NOP56: variants seen among roughly 807,000 people sequenced by gnomAD.
The protein encoded by NOP56 is nucleolar protein 56.
Under a neutral mutation model 58.3 loss-of-function variants are expected in NOP56, and 31 were observed. That is an observed-to-expected ratio of 0.53 (90% CI 0.40 to 0.72). The LOEUF is 0.72. Ranked by LOEUF, NOP56 falls within the 30% of genes least tolerant of loss-of-function variation. NOP56 has a pLI of 0.00. For synonymous variants in NOP56, 313 were observed against 282.8 expected, an observed-to-expected ratio of 1.11 and a Z score of -1.07; for missense variants, 669 against 739.9, an observed-to-expected ratio of 0.90 and a Z score of 1.11.
In NOP56 at chr20:2,654,543, A is replaced by G. The variant is rs1177465865; in HGVS notation, c.338A>G (p.Gln113Arg). 6.2e-7 allele frequency: 1 copy of G among 1,614,118 alleles called. No individual in the cohort carries two copies. The highest frequency in any genetic ancestry group is 1.3e-5 in the African/African-American group (1 of 74,940). The change falls in exon 4 of 12, where the codon CAG becomes CGG. Residue 113 changes from glutamine to arginine, a missense_variant. Gln to Arg is a conservative substitution (Grantham distance 43). Transcript: ENST00000329276. ...AIQEELGYNC[Q>R]TGGVIAEILR... ...CAGGAGGAGTTAGGGTACAACTGCC[A>G]GACTGGAGGAGTCATAGCTGAGATC... is the stretch of plus-strand genomic sequence containing the variant.
rs1049123412 is a variant in NOP56, at chr20:2,652,632, A to C, written c.-29A>C. ...CCGCGCGCCGGAGCGCGCTAGCCGC[A>C]TTGCGAGCCGAACCCGGGAGCTGGC... On this transcript the variant is annotated 5_prime_UTR_variant, in exon 1 of 12. Coordinates refer to ENST00000329276, the MANE Select transcript of NOP56 (RefSeq NM_006392.4). The C allele has an allele frequency of 4.3e-6, 6 of 1,401,986 alleles. No homozygotes were observed. In the Admixed American group the frequency reaches 1.4e-4, roughly 33 times the overall value. The allele number at this position is 1,401,986 out of a possible 1,614,324, so 86.8% of individuals were successfully genotyped here.
chr20:2,655,150 C>T (rs6037245), intron 5 of NOP56, 175 bp from the exon 6 acceptor site: 1 of 1,044,324 alleles, frequency 9.6e-7, no homozygotes, highest in East Asian at 2.4e-5. Context: ...CCATATACAC[C>T]TCAGCTCAGG....
chr20:2,658,027 C>G lies in NOP56; in HGVS notation c.1518C>G (p.Pro506=). The G allele has an allele frequency of 1.2e-6, 2 of 1,613,296 alleles. No homozygotes were observed. Among genetic ancestry groups the G allele is most frequent in the Non-Finnish European group, 1.7e-6 (2 of 1,179,358 alleles). The change falls in exon 12 of 12, where the codon CCC becomes CCG. Residue 506 remains proline (P), a synonymous_variant. Coordinates refer to ENST00000329276, the MANE Select transcript of NOP56 (RefSeq NM_006392.4). ...MEDPSISFSK[P]KKKKSFSKEE... ...ACCCATCTATCTCTTTCTCCAAACC[C>G]AAGAAAAAGAAATCTTTTTCCAAGG... is the stretch of plus-strand genomic sequence containing the variant.
At position 2,654,490 on chromosome 20, in the gene NOP56, T is replaced by C. The variant is rs1192480395; in HGVS notation, c.285T>C (p.Val95=). The change falls in exon 4 of 12, where the codon GTT becomes GTC. Residue 95 remains valine (V), a synonymous_variant. Coordinates refer to ENST00000329276, the MANE Select transcript of NOP56 (RefSeq NM_006392.4). ...AAAAGAAGAAAGTACTCTTGGGAGT[T>C]GGGGATCCCAAGATTGGTGCCGCAA... ...PSKKKKVLLG[V]GDPKIGAAIQ... is the part of the protein sequence containing the mutation. The C allele has an allele frequency of 1.9e-6, 3 of 1,614,006 alleles. No homozygotes were observed. In the Admixed American group the frequency reaches 5.0e-5, roughly 27 times the overall value.
intron 9 of NOP56, 83 bp downstream of exon 9, chr20:2,656,632 A>G (rs2086822581): frequency 1.2e-6 from 2 of 1,607,032 alleles, no homozygotes; most frequent in Non-Finnish European, 1.7e-6. Flanking sequence ...TTCCACAATG[A>G]TGGCAATATT....
At position 2,654,537 on chromosome 20, in the gene NOP56, A is replaced by G. The variant is rs749831715; in HGVS notation, c.332A>G (p.Asn111Ser). ...GAAIQEELGYNCQTGGVIAEI... is the reference protein window; with the variant it reads ...GAAIQEELGYSCQTGGVIAEI... The stretch of plus-strand genomic sequence containing the variant: ...GCAATACAGGAGGAGTTAGGGTACA[A>G]CTGCCAGACTGGAGGAGTCATAGCT... The change falls in exon 4 of 12, where the codon AAC (asparagine) becomes AGC (serine). Residue 111 changes from asparagine (N) to serine (S), a missense_variant. Transcript: ENST00000329276. 3.1e-6 allele frequency: 5 copies of G among 1,614,102 alleles called. No individual in the cohort carries two copies. Among genetic ancestry groups the G allele is most frequent in the African/African-American group, 1.3e-5 (1 of 74,934 alleles).
At chr20:2,653,420 A>G (rs774713502) in intron 3 of NOP56, 27 bp downstream of exon 3, 10 of 1,577,676 alleles carry the variant, frequency 6.3e-6, no homozygotes, top group Non-Finnish European at 8.7e-6. Context: ...CAAGTGTCAC[A>G]GAGAGATGTG....
chr20:2,657,515 T>TA, intron 11 of NOP56: 1 of 611,670 alleles, frequency 1.6e-6, no homozygotes, highest in Non-Finnish European at 3.0e-6. Context: ...CTCTGCTTAT[T>TA]ATCAGACGTG....
chr20:2,653,053 A>C (rs2086771037), intron 2 of NOP56, 122 bp downstream of exon 2: 2 of 919,628 alleles, frequency 2.2e-6, no homozygotes, highest in Non-Finnish European at 1.6e-6. Flanking sequence ...CGGGCCTGGA[A>C]AGCTCTAGAT....
At chr20:2,652,970 A>C in intron 2 of NOP56, 39 bp downstream of exon 2, 1 of 1,521,200 alleles carries the variant, frequency 6.6e-7, no homozygotes, top group Non-Finnish European at 8.9e-7. Context: ...GGCCCCGCAG[A>C]CCCTCATCGC....
intron 11 of NOP56, 110 bp from the exon 12 acceptor site, chr20:2,657,819 A>G (rs1461255454): frequency 4.0e-6 from 5 of 1,264,718 alleles, no homozygotes; most frequent in East Asian, 2.3e-5. Flanking sequence ...AAACTATCCC[A>G]GAAACACTGG....
In NOP56 at chr20:2,658,133, G is replaced by A. The variant is rs951691348; in HGVS notation, c.1624G>A (p.Glu542Lys). 1.2e-6 allele frequency: 2 copies of A among 1,614,070 alleles called. No homozygotes were observed. The highest frequency in any genetic ancestry group is 1.7e-6 in the Non-Finnish European group (2 of 1,179,982). The change falls in exon 12 of 12, where the codon GAA becomes AAA. Residue 542 changes from glutamate to lysine, a missense_variant. Coordinates refer to ENST00000329276, the MANE Select transcript of NOP56 (RefSeq NM_006392.4). The stretch of plus-strand genomic sequence containing the variant: ...GAGGAAGAAGTCTACACCCAAGGAG[G>A]AAACAGTTAATGACCCTGAGGAGGC... The part of the protein sequence containing the change: ...PKRKKSTPKE[E>K]TVNDPEEAGH...
At chr20:2,656,945 T>C (rs1169291300) in intron 10 of NOP56, 50 bp downstream of exon 10, 4 of 1,613,642 alleles carry the variant, frequency 2.5e-6, no homozygotes, top group Non-Finnish European at 3.4e-6. Flanking sequence ...CTGTTGGAGG[T>C]GATGAACTGT....
At chr20:2,655,145 T>A in intron 5 of NOP56, 180 bp from the exon 6 acceptor site, 1 of 1,034,238 alleles carries the variant, frequency 9.7e-7, no homozygotes, top group Non-Finnish European at 1.5e-6. Context: ...CTACCCCATA[T>A]ACACCTCAGC....
At position 2,657,071 on chromosome 20, in the gene NOP56, C is replaced by G; in HGVS notation, c.1282-10C>G. 1 of 1,614,068 alleles carries G rather than the reference C, an allele frequency of 6.2e-7. No individual in the cohort carries two copies. The highest frequency in any genetic ancestry group is 1.1e-5 in the South Asian group (1 of 91,076). On this transcript the variant is annotated splice_polypyrimidine_tract_variant and intron_variant, in intron 10 of 11. Coordinates refer to ENST00000329276, the MANE Select transcript of NOP56 (RefSeq NM_006392.4). ...GTCTTCAGGCCCTTTTAGCACTTTTCTTTGACCAGGCAGAGGAAGCGGCTG... is the reference window on the plus strand; with the variant it reads ...GTCTTCAGGCCCTTTTAGCACTTTTGTTTGACCAGGCAGAGGAAGCGGCTG...
chr20:2,657,372 G>A (rs1212260350), intron 11 of NOP56, 154 bp downstream of exon 11: 1 of 1,118,582 alleles, frequency 8.9e-7, no homozygotes, highest in Non-Finnish European at 1.3e-6. Context: ...TGATTCTATA[G>A]GAAGGAGATA....
In NOP56 at chr20:2,657,230, G is replaced by T. The variant is rs770334071; in HGVS notation, c.1419+12G>T. 2.5e-6 allele frequency: 4 copies of T among 1,613,988 alleles called. No individual in the cohort carries two copies. The highest frequency in any genetic ancestry group is 1.3e-5 in the African/African-American group (1 of 75,042). On this transcript the variant is annotated intron_variant, in intron 11 of 11. Coordinates refer to ENST00000329276, the MANE Select transcript of NOP56 (RefSeq NM_006392.4). ...CAGAGGAGTGTGAGGTCAGTAGGCAGCACGGCCCTGGCAGAGATCCTAGGT... is the reference window on the plus strand; with the variant it reads ...CAGAGGAGTGTGAGGTCAGTAGGCATCACGGCCCTGGCAGAGATCCTAGGT...
At position 2,658,345 on chromosome 20, in the gene NOP56, A is replaced by T. The variant is rs2086858761; in HGVS notation, c.*51A>T. On this transcript the variant is annotated 3_prime_UTR_variant, in exon 12 of 12. Transcript: ENST00000329276. ...GTGGGGCATACCATAGCCCAAGGTG[A>T]CATTTCCCACCCTGTGCCGTGTTCC... 3.1e-6 allele frequency: 5 copies of T among 1,605,304 alleles called. No individual in the cohort carries two copies. Among genetic ancestry groups the T allele is most frequent in the Non-Finnish European group, 4.3e-6 (5 of 1,175,844 alleles).
intron 3 of NOP56, 166 bp from the exon 4 acceptor site, chr20:2,654,248 C>G (rs1045833484): frequency 1.2e-6 from 1 of 807,604 alleles, no homozygotes; most frequent in South Asian, 1.3e-5. Context: ...CTGTCAATCC[C>G]CTGAGTGCAA....
Sources: gnomAD v4.1 joint callset for allele counts on GRCh38, gnomAD v4.1.1 for gene constraint, MANE v1.5 for transcripts, NCBI Gene and HGNC (gene_info 2026-07-23, HGNC 2026-07-21) for gene names.